FERMT1: variants seen among roughly 807,000 people sequenced by gnomAD.
FERMT1 encodes the protein fermitin family homolog 1.
Under a neutral mutation model 85.3 loss-of-function variants are expected in FERMT1, and 60 were observed. The ratio of observed to expected loss-of-function variants is 0.70; its 90% CI spans 0.57 to 0.87. The LOEUF (loss-of-function observed/expected upper bound fraction) is 0.87. Among genes scored for constraint, FERMT1 ranks in the 40% least tolerant of loss-of-function variants. The pLI is 0.00. For synonymous variants in FERMT1, 275 were observed against 301.1 expected (o/e 0.91, Z 0.90); for missense variants, 701 against 818.9 (o/e 0.86, Z 1.76).
intron 1 of FERMT1, among the ~76,000 whole-genome samples, chr20:6,121,355 C>T (rs555274643): frequency 3.3e-5 from 5 of 152,222 alleles, no homozygotes; most frequent in African/African-American, 7.2e-5. Flanking sequence ...CTCCTGATCT[C>T]GTGATCCACC....
At position 6,107,424 on chromosome 20, in the gene FERMT1, C is replaced by T. The variant is rs73604906; in HGVS notation, c.849+108G>A. 0.012 allele frequency: 8,140 copies of T among 652,792 alleles called. 505 individuals are homozygous for T. In the African/African-American group the frequency reaches 0.13, roughly 11 times the overall value. The allele number at this position is 652,792 out of a possible 1,614,324, so 40.4% of individuals were successfully genotyped here. A position where few individuals can be genotyped will look rare whatever the true frequency, so the allele number is the denominator to read the frequency against. On this transcript the variant is annotated intron_variant, in intron 6 of 14. Transcript: ENST00000217289. ...GTCTCACCCTGCAGGGCTAAACAGG[C>T]GATCACACAAATAAATTCATCCTAA...
Position 6,104,072 on chromosome 20 carries a change from T to C in FERMT1, c.849+3460A>G, listed in dbSNP as rs1336579062. On this transcript the variant is annotated intron_variant, in intron 6 of 14. Coordinates refer to ENST00000217289, the MANE Select transcript of FERMT1 (RefSeq NM_017671.5). This position sits in a 1 kb window ranked among gnomAD's most constrained non-coding sequence, Gnocchi z 4.2. The stretch of plus-strand genomic sequence containing the variant: ...TTTTAGTAGAGATGGGGTTTCACCA[T>C]GTTGGCCAGGCTAGTCTCGAACTTC... 6.6e-6 allele frequency among the ~76,000 whole-genome samples: 1 copy of C among 152,122 alleles called. No homozygotes were observed. The highest frequency in any genetic ancestry group is 2.4e-5 in the African/African-American group (1 of 41,428).
intron 4 of FERMT1, 43 bp from the exon 5 acceptor site, chr20:6,110,554 G>C (rs376335892): frequency 1.3e-4 from 185 of 1,426,730 alleles, no homozygotes; most frequent in South Asian, 2.3e-4. Flanking sequence ...GAGAATCCAG[G>C]GATATAAATC....
intron 2 of FERMT1, among the ~76,000 whole-genome samples, chr20:6,116,567 A>G (rs1353788598): frequency 1.3e-5 from 2 of 151,982 alleles, no homozygotes; most frequent in African/African-American, 2.4e-5. Flanking sequence ...GTCTCTACTA[A>G]AAATACAAAA....
At position 6,112,526 on chromosome 20, in the gene FERMT1, A is replaced by G. The variant is rs1189995877; in HGVS notation, c.483T>C (p.Ile161=). 6.2e-7 allele frequency: 1 copy of G among 1,613,126 alleles called. No homozygotes were observed. The highest frequency in any genetic ancestry group is 1.7e-5 in the Admixed American group (1 of 59,960). The stretch of plus-strand genomic sequence containing the variant: ...AACTCTCCAGGTTTAGAATATCTTC[A>G]ATTATGGGTTCCTTATTATTTTTGT... The part of the protein sequence containing the change: ...KKDKNNKEPI[I]EDILNLESSP... The change falls in exon 4 of 15, where the codon ATT becomes ATC. Residue 161 remains isoleucine, a synonymous_variant. Coordinates refer to ENST00000217289, the MANE Select transcript of FERMT1 (RefSeq NM_017671.5).
chr20:6,112,725 T>C, intron 3 of FERMT1, 102 bp from the exon 4 acceptor site: 3 of 881,828 alleles, frequency 3.4e-6, no homozygotes, highest in Non-Finnish European at 5.0e-6. Context: ...TCAGGAAATT[T>C]CTGAAAAGTA....
intron 12 of FERMT1, among the ~76,000 whole-genome samples, chr20:6,084,636 C>T (rs767792240): frequency 2.0e-5 from 3 of 151,898 alleles, no homozygotes; most frequent in Admixed American, 6.6e-5. Context: ...AGGACATAGT[C>T]AAATTTCAGC....
At chr20:6,111,186 T>C (rs1343439347) in intron 4 of FERMT1, among the ~76,000 whole-genome samples, 1 of 152,206 alleles carries the variant, frequency 6.6e-6, no homozygotes, top group East Asian at 1.9e-4. Context: ...GGAGACCTCA[T>C]AGAATGCATG....
At chr20:6,083,223 T>C (rs1982049017) in intron 13 of FERMT1, among the ~76,000 whole-genome samples, 1 of 152,154 alleles carries the variant, frequency 6.6e-6, no homozygotes, top group Non-Finnish European at 1.5e-5. Flanking sequence ...CCATCCATTG[T>C]ATACAGTGGG....
At position 6,084,780 on chromosome 20, in the gene FERMT1, A is replaced by G. The variant is rs1387630055; in HGVS notation, c.1593+286T>C. Among the ~76,000 whole-genome samples, 6 of 149,022 alleles carry G rather than the reference A, an allele frequency of 4.0e-5. 1 individual carries two copies. The highest frequency in any genetic ancestry group is 8.9e-5 in the Non-Finnish European group (6 of 67,550). ...GCAGTCTCAGCTCACTGCAGCCTCC[A>G]CCTCCTGGGCTCGAGCAATTCTCCT... On this transcript the variant is annotated intron_variant, in intron 12 of 14. Transcript: ENST00000217289.
In FERMT1 at chr20:6,087,812, C is replaced by T. The variant is rs757850038; in HGVS notation, c.1336G>A (p.Asp446Asn). The T allele has an allele frequency of 1.2e-5, 19 of 1,609,008 alleles. No homozygotes were observed. In the African/African-American group the frequency reaches 1.5e-4, roughly 12 times the overall value. ...CTCAAATACATTTCATTCATACCATCGGCAACAGGGATTAGTAACTTGATT... is the reference window on the plus strand; with the variant it reads ...CTCAAATACATTTCATTCATACCATTGGCAACAGGGATTAGTAACTTGATT... ...FGIKLLIPVA[D>N]GMNEMYLRCD... The change falls in exon 11 of 15, where the codon GAT becomes AAT. Residue 446 changes from aspartate (D) to asparagine (N), a missense_variant. By Grantham distance (23) the Asp-to-Asn change is conservative. Coordinates refer to ENST00000217289, the MANE Select transcript of FERMT1 (RefSeq NM_017671.5).
intron 4 of FERMT1, among the ~76,000 whole-genome samples, chr20:6,111,717 A>G (rs1982956441): frequency 6.6e-6 from 1 of 152,208 alleles, no homozygotes; most frequent in African/African-American, 2.4e-5. Flanking sequence ...TTGTTTTGAT[A>G]TAAAAAGAAA....
chr20:6,101,241 A>C (rs1191571454), intron 6 of FERMT1, among the ~76,000 whole-genome samples: 2 of 152,228 alleles, frequency 1.3e-5, no homozygotes, highest in African/African-American at 4.8e-5. Flanking sequence ...TTGCCCTTTG[A>C]TAAGCACATC....
chr20:6,075,251 G>T lies in FERMT1; in HGVS notation c.*1922C>A, dbSNP rs555733355. 9.2e-5 allele frequency: 14 copies of T among 152,378 alleles called. No homozygotes were observed. Among genetic ancestry groups the T allele is most frequent in the African/African-American group, 3.4e-4 (14 of 41,544 alleles). 9.4% of individuals were successfully genotyped at this position (152,378 alleles called of 1,614,324 possible). A position where few individuals can be genotyped will look rare whatever the true frequency, so the allele number is the denominator to read the frequency against. ...AGGTCTGGCTTTGGTAAATTAGGCA[G>T]AGATGTTCTCAGCAGCAAACAGGTA... On this transcript the variant is annotated 3_prime_UTR_variant, in exon 15 of 15. Coordinates refer to ENST00000217289, the MANE Select transcript of FERMT1 (RefSeq NM_017671.5).
In FERMT1 at chr20:6,110,349, G is replaced by A. The variant is rs147864238; in HGVS notation, c.695C>T (p.Ala232Val). 295 of 1,613,728 alleles carry A rather than the reference G, an allele frequency of 1.8e-4. 1 individual carries two copies. Among genetic ancestry groups the A allele is most frequent in the Non-Finnish European group, 2.2e-4 (264 of 1,179,890 alleles). ...SQPPQSPEALADMYQPRSLVD... is the reference protein window; with the variant it reads ...SQPPQSPEALVDMYQPRSLVD... ...CAGAGACCGAGGCTGGTACATATCCGCAAGTGCTTCTGGGGACTGGGGGGG... is the reference window on the plus strand; with the variant it reads ...CAGAGACCGAGGCTGGTACATATCCACAAGTGCTTCTGGGGACTGGGGGGG... The change falls in exon 5 of 15, where the codon GCG becomes GTG. Residue 232 changes from alanine (A) to valine (V), a missense_variant. Physicochemically the swap from Ala to Val is moderately conservative, Grantham distance 64. Coordinates refer to ENST00000217289, the MANE Select transcript of FERMT1 (RefSeq NM_017671.5).
At chr20:6,086,869 C>G (rs1487418521) in intron 11 of FERMT1, among the ~76,000 whole-genome samples, 1 of 152,118 alleles carries the variant, frequency 6.6e-6, no homozygotes, top group Non-Finnish European at 1.5e-5. Context: ...GTCAATTAAA[C>G]CTCTTTTCTC....
chr20:6,085,994 T>C (rs1255920006), intron 11 of FERMT1, among the ~76,000 whole-genome samples: 1 of 151,620 alleles, frequency 6.6e-6, no homozygotes, highest in East Asian at 1.9e-4. Context: ...ACAAAAAAAT[T>C]AGCCAGGCGT....
chr20:6,098,515 T>A (rs1394871000), intron 6 of FERMT1, among the ~76,000 whole-genome samples: 4 of 151,850 alleles, frequency 2.6e-5, no homozygotes, highest in Non-Finnish European at 5.9e-5. Flanking sequence ...ATTGATAAAG[T>A]ATCAATAAAG....
At chr20:6,078,904 T>C (rs1981916090) in intron 14 of FERMT1, among the ~76,000 whole-genome samples, 1 of 152,160 alleles carries the variant, frequency 6.6e-6, no homozygotes, top group Non-Finnish European at 1.5e-5. Context: ...TGAGGGCTCC[T>C]GGTTTTAAGA....
Sources: gnomAD v4.1 joint callset for allele counts (sites outside exome capture counted in the v4.1 genomes callset) on GRCh38, gnomAD v4.1.1 for gene constraint, Gnocchi (gnomAD v3.1) non-coding constraint, MANE v1.5 for transcripts, NCBI Gene and HGNC (gene_info 2026-07-23, HGNC 2026-07-21) for gene names.